PALM2AKAP2: variants seen among roughly 807,000 people sequenced by gnomAD.
PALM2AKAP2 encodes PALM2 and AKAP2 fusion.
In PALM2AKAP2, 37 loss-of-function variants were observed where a neutral mutation model predicts 71.5. The ratio of observed to expected loss-of-function variants is 0.52; its 90% CI spans 0.40 to 0.68. The LOEUF (loss-of-function observed/expected upper bound fraction) is 0.68, where lower values mean the gene tolerates loss of function less well. Among genes scored for constraint, PALM2AKAP2 ranks in the 30% least tolerant of loss-of-function variants. The pLI, the probability that PALM2AKAP2 is intolerant of heterozygous loss-of-function variation, is 0.00. For missense variants in PALM2AKAP2, 1,224 were observed against 1,191.8 expected (o/e 1.03, Z -0.40); for synonymous variants, 468 against 478.8 (o/e 0.98, Z 0.29).
chr9:110,021,327 G>A (rs1381885646), intron 7 of PALM2AKAP2, among the ~76,000 whole-genome samples: 1 of 152,182 alleles, frequency 6.6e-6, no homozygotes, highest in Non-Finnish European at 1.5e-5. Flanking sequence ...CTTCTCTAGA[G>A]CCTTTGGAGG....
chr9:109,858,437 G>C lies in PALM2AKAP2; in HGVS notation c.46-9054G>C, dbSNP rs1200336480. On this transcript the variant is annotated intron_variant, in intron 1 of 9. Coordinates refer to the PALM2AKAP2 transcript ENST00000302798. ...ACTGTGGAATGTTAGTGATGCTGGA[G>C]GAAACTTAGAGCTAAGCTGGCCCAA... Among the ~76,000 whole-genome samples the C allele has an allele frequency of 4.6e-5, 7 of 152,180 alleles. No individual in the cohort carries two copies. The East Asian group carries it at 5.8e-4, about 13-fold the overall frequency.
At chr9:110,138,231 C>A in exon 2 of PALM2AKAP2, 2 of 1,614,130 alleles carry the variant, frequency 1.2e-6, no homozygotes, top group Non-Finnish European at 1.7e-6. Context: ...GCTGTGCAGC[C>A]CAGTGGCCCG....
chr9:109,876,990 A>G (rs1829736247), intron 2 of PALM2AKAP2, among the ~76,000 whole-genome samples: 1 of 152,186 alleles, frequency 6.6e-6, no homozygotes, highest in Non-Finnish European at 1.5e-5. Context: ...CCTTCATGTG[A>G]TGGCAGGAGG....
intron 1 of PALM2AKAP2, among the ~76,000 whole-genome samples, chr9:109,649,744 AG>A (rs1466674196): frequency 6.6e-6 from 1 of 152,224 alleles, no homozygotes; most frequent in Non-Finnish European, 1.5e-5. Context: ...GAATAGGTAG[AG>A]GGGATGGAGA....
intron 6 of PALM2AKAP2, among the ~76,000 whole-genome samples, chr9:109,968,992 C>T (rs1448147274): frequency 1.3e-5 from 2 of 152,006 alleles, no homozygotes; most frequent in Non-Finnish European, 2.9e-5. Flanking sequence ...AAGAAAAAAA[C>T]TGACTAGAAA....
intron 1 of PALM2AKAP2, among the ~76,000 whole-genome samples, chr9:109,699,149 A>T (rs530243035): frequency 6.6e-6 from 1 of 152,356 alleles, no homozygotes; most frequent in East Asian, 1.9e-4. Flanking sequence ...ACACAAACAG[A>T]TGATTCACAA....
At chr9:110,151,210 C>T (rs1383658000) in intron 2 of PALM2AKAP2, among the ~76,000 whole-genome samples, 10 of 151,906 alleles carry the variant, frequency 6.6e-5, no homozygotes, top group Admixed American at 5.2e-4. Context: ...TTTTTTTCCC[C>T]TTCTGTATTC....
At chr9:109,828,416 T>C (rs993255885) in intron 1 of PALM2AKAP2, among the ~76,000 whole-genome samples, 1 of 152,226 alleles carries the variant, frequency 6.6e-6, no homozygotes, top group African/African-American at 2.4e-5. Flanking sequence ...AATCCATGCA[T>C]GAAGCTCTTT....
At chr9:109,697,083 C>A (rs539194241) in intron 1 of PALM2AKAP2, among the ~76,000 whole-genome samples, 1 of 152,154 alleles carries the variant, frequency 6.6e-6, no homozygotes, top group Admixed American at 6.5e-5. Flanking sequence ...AGAGTCTCCC[C>A]CTTAGGTTGT....
intron 1 of PALM2AKAP2, among the ~76,000 whole-genome samples, chr9:110,133,182 G>A (rs547472250): frequency 2.6e-5 from 4 of 152,182 alleles, no homozygotes; most frequent in African/African-American, 4.8e-5. Context: ...TCATCATCGA[G>A]CACTTGAAGT....
At chr9:109,697,742 C>T (rs1347212207) in intron 1 of PALM2AKAP2, among the ~76,000 whole-genome samples, 2 of 152,166 alleles carry the variant, frequency 1.3e-5, no homozygotes, top group Non-Finnish European at 2.9e-5. Flanking sequence ...TAAGAATTAT[C>T]TCTGCAATTC....
At chr9:110,163,589 A>G (rs905651274) in intron 3 of PALM2AKAP2, among the ~76,000 whole-genome samples, 16 of 152,224 alleles carry the variant, frequency 1.1e-4, no homozygotes, top group Non-Finnish European at 1.5e-5. Flanking sequence ...TACATAAACA[A>G]CACCTTATTT....
chr9:109,867,404 G>GTGC lies in PALM2AKAP2; in HGVS notation c.46-70_46-68dup, dbSNP rs112086330. ...TCTCTGGAAGTGTCTATACAGATGT[G>GTGC]TGCTGCTGCTGCTGCTGCTTTCTGC... On this transcript the variant is annotated intron_variant, in intron 1 of 9. Transcript: ENST00000302798. 2.1e-4 allele frequency: 309 copies of GTGC among 1,467,746 alleles called. 1 individual carries two copies. The African/African-American group carries it at 2.9e-3, about 14-fold the overall frequency. 90.9% of individuals were successfully genotyped at this position (1,467,746 alleles called of 1,614,324 possible).
chr9:110,122,643 G>T (rs776953144), intron 1 of PALM2AKAP2, among the ~76,000 whole-genome samples: 11 of 152,202 alleles, frequency 7.2e-5, no homozygotes, highest in Non-Finnish European at 1.5e-4. Flanking sequence ...GCTGCGTGAT[G>T]ATCATAATGG....
intron 6 of PALM2AKAP2, among the ~76,000 whole-genome samples, chr9:109,956,567 T>C (rs962866210): frequency 4.6e-5 from 7 of 152,226 alleles, no homozygotes; most frequent in African/African-American, 1.7e-4. Flanking sequence ...TTTTCTACTT[T>C]TCCTGAAAGA....
intron 6 of PALM2AKAP2, among the ~76,000 whole-genome samples, chr9:110,004,397 C>A (rs1247924392): frequency 6.6e-6 from 1 of 152,212 alleles, no homozygotes; most frequent in Non-Finnish European, 1.5e-5. Context: ...GCTGAGAGAT[C>A]AACTGTTAGT....
Position 110,136,168 on chromosome 9 carries a change from C to T in PALM2AKAP2, c.198C>T (p.Ser66=), listed in dbSNP as rs540299106. 9.4e-6 allele frequency: 15 copies of T among 1,602,740 alleles called. No homozygotes were observed. In the East Asian group the frequency reaches 1.1e-4, roughly 12 times the overall value. The change falls in exon 2 of 4, where the codon AGC becomes AGT. Residue 66 remains serine, a synonymous_variant. Transcript: ENST00000374525. ...CTGAGGATGATATCTGGCTAAAAAG[C>T]GAGGGAGACAACTATAGTGCCACCC...
chr9:109,845,494 T>A (rs1345942884), intron 1 of PALM2AKAP2, among the ~76,000 whole-genome samples: 1 of 152,210 alleles, frequency 6.6e-6, no homozygotes, highest in African/African-American at 2.4e-5. Context: ...AGGCCTCCAG[T>A]GAGCAGAGGA....
intron 6 of PALM2AKAP2, among the ~76,000 whole-genome samples, chr9:109,978,949 C>T (rs1346516600): frequency 4.6e-5 from 7 of 151,958 alleles, no homozygotes; most frequent in Admixed American, 2.6e-4. Flanking sequence ...GCCCCTGTTT[C>T]CCTTTCTGTC....
Sources: allele counts gnomAD v4.1 joint callset (sites outside exome capture counted in the v4.1 genomes callset), GRCh38; gene constraint gnomAD v4.1.1; transcripts MANE v1.5; gene names NCBI Gene and HGNC (gene_info 2026-07-23, HGNC 2026-07-21).